Variants in FAM199X observed in about 807,000 individuals in gnomAD.
FAM199X encodes the protein protein FAM199X.
FAM199X carries 4 observed loss-of-function variants against 22.9 expected under a neutral mutation model. The observed-to-expected ratio is 0.17, with a 90% CI of 0.09 to 0.40. The LOEUF (loss-of-function observed/expected upper bound fraction) is 0.40. Ranked by LOEUF, FAM199X falls within the 10% of genes least tolerant of loss-of-function variation. FAM199X has a pLI of 1.00. For synonymous variants in FAM199X, 101 were observed against 112.3 expected, an observed-to-expected ratio of 0.90 and a Z score of 0.64; for missense variants, 183 against 306.8, an observed-to-expected ratio of 0.60 and a Z score of 3.01.
At chrX:104,172,774 G>C (rs949977290) in intron 1 of FAM199X, among the ~76,000 whole-genome samples, 1 of 107,555 alleles carries the variant, frequency 9.3e-6, no homozygotes, top group Non-Finnish European at 1.9e-5. Context: ...AAACTAAAAA[G>C]AAATTCTAAT....
At chrX:104,175,920 C>A in intron 2 of FAM199X, 78 bp downstream of exon 2, 1 of 704,069 alleles carries the variant, frequency 1.4e-6, no homozygotes, top group South Asian at 2.9e-5. Context: ...ATTTTCATCT[C>A]TACTTCAAAG....
At position 104,189,953 on chromosome X, in the gene FAM199X, G is replaced by A. The variant is rs1921896173; in HGVS notation, c.*175G>A. ...CTGCAGCTTCAGCATCACTTGAGAA[G>A]TTGTTAGGAATGCATACTAGTGGGC... On this transcript the variant is annotated 3_prime_UTR_variant, in exon 6 of 6. Coordinates refer to ENST00000493442, the MANE Select transcript of FAM199X (RefSeq NM_207318.4). The A allele has an allele frequency of 8.7e-6, 4 of 457,859 alleles. No individual in the cohort carries two copies. The Admixed American group carries it at 1.7e-4, about 20-fold the overall frequency. The allele number at this position is 457,859 out of a possible 1,213,427, so 37.7% of individuals were successfully genotyped here. A position where few individuals can be genotyped will look rare whatever the true frequency, so the allele number is the denominator to read the frequency against.
At chrX:104,167,012 A>AT (rs2147887777) in intron 1 of FAM199X, 30 bp downstream of exon 1, 3 of 1,083,418 alleles carry the variant, frequency 2.8e-6, no homozygotes, top group East Asian at 3.6e-5. Flanking sequence ...GCAGGGGTGG[A>AT]TTTTCCACTT....
At chrX:104,176,521 G>C (rs1242327452) in intron 2 of FAM199X, among the ~76,000 whole-genome samples, 4 of 112,402 alleles carry the variant, frequency 3.6e-5, no homozygotes, top group African/African-American at 1.3e-4. Context: ...AAACTCGAAT[G>C]TCTGCTACAT....
chrX:104,182,209 G>A (rs1921676253), intron 2 of FAM199X, among the ~76,000 whole-genome samples: 1 of 109,538 alleles, frequency 9.1e-6, no homozygotes, highest in South Asian at 3.9e-4. Context: ...GACTGGTCTC[G>A]AACTCCTGAC....
intron 1 of FAM199X, among the ~76,000 whole-genome samples, chrX:104,168,597 G>A (rs1257095610): frequency 8.9e-6 from 1 of 112,238 alleles, no homozygotes; most frequent in Non-Finnish European, 1.9e-5. Context: ...ATTTCAGAAT[G>A]ATCCTGCTGT....
rs1344375267 is a variant in FAM199X at position 104,194,530 on chromosome X, T to G, written c.*4752T>G. The G allele has an allele frequency of 1.8e-5, 2 of 112,212 alleles. No homozygotes were observed. The highest frequency in any genetic ancestry group is 6.5e-5 in the African/African-American group (2 of 30,991). 9.2% of individuals were successfully genotyped at this position (112,212 alleles called of 1,213,427 possible). ...AAACTGAGACTGAAATTGACATTTG[T>G]GGTTAGGTTATCTAGCTGAGGCTTT... is the stretch of plus-strand genomic sequence containing the variant. On this transcript the variant is annotated 3_prime_UTR_variant, in exon 6 of 6. Coordinates refer to ENST00000493442, the MANE Select transcript of FAM199X (RefSeq NM_207318.4).
rs1378312753 is a variant in FAM199X at position 104,189,612 on chromosome X, G to A, written c.1001G>A (p.Arg334Gln). Residue 334 changes from arginine to glutamine, a missense_variant, in exon 6 of 6, where the codon CGA (arginine) becomes CAA (glutamine). By Grantham distance (43) the Arg-to-Gln change is conservative (BLOSUM62 1). Transcript: ENST00000493442. ...TAGAAATTTTTATTTTGACAGAAGC[G>A]ATCCAAGCAGCGGAAGTTACAGCAG... is the stretch of plus-strand genomic sequence containing the variant. ...AAERIRDSKK[R>Q]SKQRKLQQKA... 4.1e-6 allele frequency: 5 copies of A among 1,209,521 alleles called. No individual in the cohort carries two copies. Among genetic ancestry groups the A allele is most frequent in the South Asian group, 1.8e-5 (1 of 56,816 alleles).
chrX:104,160,548 C>T, the FAM199X span, among the ~76,000 whole-genome samples: 1 of 111,803 alleles, frequency 8.9e-6, no homozygotes, highest in Non-Finnish European at 1.9e-5. Flanking sequence ...AGAATGAGCC[C>T]AAGGTTAGAT....
chrX:104,167,083 C>G, intron 1 of FAM199X, 101 bp downstream of exon 1: 1 of 760,765 alleles, frequency 1.3e-6, no homozygotes, highest in Non-Finnish European at 1.8e-6. Flanking sequence ...CCCCCTCCCC[C>G]ACCTGCTTTC....
the FAM199X span, among the ~76,000 whole-genome samples, chrX:104,157,280 G>A: frequency 8.9e-6 from 1 of 111,938 alleles, no homozygotes; most frequent in Non-Finnish European, 1.9e-5. Flanking sequence ...TCATGATGAC[G>A]CCTTTAAGCT....
chrX:104,187,961 A>T (rs979203618), intron 4 of FAM199X, 79 bp from the exon 5 acceptor site: 11 of 1,105,393 alleles, frequency 1.0e-5, no homozygotes, highest in Admixed American at 2.4e-5. Context: ...GATTAAGTAC[A>T]ATATTATTTT....
upstream of FAM199X, among the ~76,000 whole-genome samples, chrX:104,166,038 C>T (rs1399848834): frequency 1.8e-5 from 2 of 112,168 alleles, no homozygotes; most frequent in African/African-American, 6.5e-5. Flanking sequence ...GAGGAAGGGA[C>T]TATTTTCCCT....
chrX:104,174,694 G>C (rs1210278706), intron 1 of FAM199X, among the ~76,000 whole-genome samples: 1 of 111,344 alleles, frequency 9.0e-6, no homozygotes, highest in Non-Finnish European at 1.9e-5. Context: ...AATATACTTA[G>C]GAAAATGTTT....
In FAM199X at chrX:104,193,943, T is replaced by C. The variant is rs1443131426; in HGVS notation, c.*4165T>C. On this transcript the variant is annotated 3_prime_UTR_variant, in exon 6 of 6. Transcript: ENST00000493442. ...ATTTCTTTGGAAAATAAGTTACTTATTCCAGAAGCCTTAGAAGGAATTCTG... is the reference window on the plus strand; with the variant it reads ...ATTTCTTTGGAAAATAAGTTACTTACTCCAGAAGCCTTAGAAGGAATTCTG... 1.8e-5 allele frequency: 2 copies of C among 111,876 alleles called. No individual in the cohort carries two copies. Among genetic ancestry groups the C allele is most frequent in the African/African-American group, 6.5e-5 (2 of 30,893 alleles). The allele number at this position is 111,876 out of a possible 1,213,427, so 9.2% of individuals were successfully genotyped here.
intron 1 of FAM199X, among the ~76,000 whole-genome samples, chrX:104,169,653 C>T (rs782347360): frequency 5.4e-5 from 6 of 111,735 alleles, no homozygotes; most frequent in South Asian, 7.5e-4. Flanking sequence ...GGGCAACCTC[C>T]GCCTCCTGGG....
At chrX:104,171,194 T>C (rs1291338364) in intron 1 of FAM199X, among the ~76,000 whole-genome samples, 7 of 111,303 alleles carry the variant, frequency 6.3e-5, no homozygotes, top group Non-Finnish European at 9.4e-5. Flanking sequence ...TTTACCAAAA[T>C]ACCATTGAAA....
chrX:104,182,233 C>T (rs782160021), intron 2 of FAM199X, among the ~76,000 whole-genome samples: 20 of 110,338 alleles, frequency 1.8e-4, no homozygotes, highest in Admixed American at 3.9e-4. Flanking sequence ...ATGATCTGTC[C>T]GCCTCGGCCT....
At chrX:104,183,076 C>A (rs1347710052) in intron 2 of FAM199X, among the ~76,000 whole-genome samples, 1 of 110,989 alleles carries the variant, frequency 9.0e-6, no homozygotes, top group Non-Finnish European at 1.9e-5. Flanking sequence ...CCCCAACAAA[C>A]GCATAAAGAG....
Sources: gnomAD v4.1 joint callset for allele counts (sites outside exome capture counted in the v4.1 genomes callset) on GRCh38, gnomAD v4.1.1 for gene constraint, MANE v1.5 for transcripts, NCBI Gene and HGNC (gene_info 2026-07-23, HGNC 2026-07-21) for gene names.